The following FAF1 variants were observed in gnomAD, a reference collection of about 807,000 sequenced individuals.
FAF1 encodes FAS-associated factor 1.
Under a neutral mutation model 92.5 loss-of-function variants are expected in FAF1, and 25 were observed. That is an observed-to-expected ratio of 0.27 (90% CI 0.20 to 0.38). FAF1 has a LOEUF of 0.38. Ranked by LOEUF, FAF1 falls within the 10% of genes least tolerant of loss-of-function variation. FAF1 has a pLI of 1.00. For synonymous variants in FAF1, 234 were observed against 273.2 expected (o/e 0.86, Z 1.42); for missense variants, 636 against 793.3 (o/e 0.80, Z 2.38).
intron 2 of FAF1, among the ~76,000 whole-genome samples, chr1:50,826,991 G>A (rs1161850817): frequency 1.1e-4 from 15 of 140,494 alleles, no homozygotes; most frequent in Admixed American, 2.2e-4. Context: ...GCCGCCCATC[G>A]TCTGGGATGT....
At chr1:50,506,986 G>C (rs1050792073) in intron 15 of FAF1, among the ~76,000 whole-genome samples, 6 of 152,196 alleles carry the variant, frequency 3.9e-5, no homozygotes, top group Non-Finnish European at 1.5e-5. Flanking sequence ...TGGAAGAAAT[G>C]ATAATAGGGA....
At chr1:50,811,659 T>C (rs887775755) in intron 2 of FAF1, among the ~76,000 whole-genome samples, 5 of 152,238 alleles carry the variant, frequency 3.3e-5, no homozygotes, top group Non-Finnish European at 5.9e-5. Context: ...GATTCAGTGC[T>C]ATTCGTATCA....
chr1:50,924,277 A>G (rs578085141), intron 1 of FAF1, among the ~76,000 whole-genome samples: 1 of 8,798 alleles, frequency 1.1e-4, no homozygotes, highest in South Asian at 5.7e-3. Flanking sequence ...AAAAAGGAAC[A>G]ATTTGAAAAA....
chr1:50,958,719 A>T (rs1645291093), intron 1 of FAF1, among the ~76,000 whole-genome samples: 1 of 152,006 alleles, frequency 6.6e-6, no homozygotes, highest in Non-Finnish European at 1.5e-5. Context: ...AAAATAAGGA[A>T]CTTAATAGAA....
intron 8 of FAF1, among the ~76,000 whole-genome samples, chr1:50,628,728 G>A (rs188846531): frequency 2.6e-5 from 4 of 152,250 alleles, no homozygotes; most frequent in African/African-American, 7.2e-5. Flanking sequence ...CCTAGTTACC[G>A]TTTTCATCTC....
At chr1:50,950,966 C>G (rs940426518) in intron 1 of FAF1, among the ~76,000 whole-genome samples, 2 of 152,248 alleles carry the variant, frequency 1.3e-5, no homozygotes, top group Non-Finnish European at 2.9e-5. Context: ...CAAAGTGACT[C>G]ATGCCTGAAA....
At chr1:50,894,955 A>G (rs751909392) in intron 1 of FAF1, among the ~76,000 whole-genome samples, 1 of 152,192 alleles carries the variant, frequency 6.6e-6, no homozygotes, top group East Asian at 1.9e-4. Context: ...AAACAACCTA[A>G]AGATACATCT....
At chr1:50,771,406 AACTT>A (rs1043585436) in intron 4 of FAF1, among the ~76,000 whole-genome samples, 28 of 152,220 alleles carry the variant, frequency 1.8e-4, no homozygotes, top group African/African-American at 6.3e-4. Flanking sequence ...ATCTATAAGA[AACTT>A]AAATTAATGA....
At chr1:50,485,229 G>A (rs980057998) in intron 17 of FAF1, among the ~76,000 whole-genome samples, 4 of 151,848 alleles carry the variant, frequency 2.6e-5, no homozygotes, top group Admixed American at 2.0e-4. Context: ...CCAAGTAGCT[G>A]GGATTACAGG....
At chr1:50,957,019 T>C (rs889190879) in intron 1 of FAF1, among the ~76,000 whole-genome samples, 1 of 152,190 alleles carries the variant, frequency 6.6e-6, no homozygotes, top group Non-Finnish European at 1.5e-5. Flanking sequence ...TACTTTTAAG[T>C]CAATCCTATA....
intron 17 of FAF1, among the ~76,000 whole-genome samples, chr1:50,475,904 C>T (rs757571039): frequency 6.6e-6 from 1 of 152,080 alleles, no homozygotes; most frequent in Non-Finnish European, 1.5e-5. Context: ...ACCTTGATGA[C>T]ACATATTATT....
chr1:50,562,375 A>G (rs1156713094), intron 13 of FAF1, among the ~76,000 whole-genome samples: 2 of 152,206 alleles, frequency 1.3e-5, no homozygotes, highest in African/African-American at 4.8e-5. Context: ...TATATTAGCT[A>G]GCCAGCTCCC....
At chr1:50,940,874 C>T (rs1005644237) in intron 1 of FAF1, among the ~76,000 whole-genome samples, 1 of 152,174 alleles carries the variant, frequency 6.6e-6, no homozygotes, top group Admixed American at 6.5e-5. Flanking sequence ...GTTTCTCCAT[C>T]TCTCTATTAG....
chr1:50,908,684 A>G (rs1644859486), intron 1 of FAF1, among the ~76,000 whole-genome samples: 1 of 151,740 alleles, frequency 6.6e-6, no homozygotes, highest in East Asian at 1.9e-4. Context: ...ATCAGAGACT[A>G]GGATTGCAAC....
At chr1:50,574,973 A>G (rs1021869088) in intron 12 of FAF1, among the ~76,000 whole-genome samples, 4 of 123,150 alleles carry the variant, frequency 3.2e-5, no homozygotes, top group Non-Finnish European at 4.7e-5. Flanking sequence ...CAGTGGCATG[A>G]TCTCGGCTCA....
chr1:50,715,308 T>C (rs145654796), intron 6 of FAF1, among the ~76,000 whole-genome samples: 2 of 152,280 alleles, frequency 1.3e-5, no homozygotes, highest in African/African-American at 4.8e-5. Flanking sequence ...AAATTGAAGG[T>C]GGCGGGGTGG....
chr1:50,874,147 C>A lies in FAF1; in HGVS notation c.46-16150G>T, dbSNP rs1247809289. Among the ~76,000 whole-genome samples the A allele has an allele frequency of 3.9e-5, 6 of 152,146 alleles. No individual in the cohort carries two copies. In the East Asian group the frequency reaches 1.2e-3, roughly 29 times the overall value. On this transcript the variant is annotated intron_variant, in intron 1 of 18. Coordinates refer to ENST00000396153, the MANE Select transcript of FAF1 (RefSeq NM_007051.3). The stretch of plus-strand genomic sequence containing the variant: ...GTCTATTTTTGCTTTCTAGCTTGAC[C>A]ATATTTAGTATTTTTGTTGTTAATA...
intron 4 of FAF1, among the ~76,000 whole-genome samples, chr1:50,756,667 G>T (rs978413187): frequency 1.1e-4 from 17 of 152,200 alleles, no homozygotes; most frequent in African/African-American, 3.9e-4. Context: ...TTATACAGAA[G>T]AAAGGGTTTA....
At chr1:50,833,785 A>G (rs1644176605) in intron 2 of FAF1, among the ~76,000 whole-genome samples, 1 of 152,106 alleles carries the variant, frequency 6.6e-6, no homozygotes, top group African/African-American at 2.4e-5. Flanking sequence ...CTGTGCCAAA[A>G]CTCAGGGACA....
Sources: gnomAD v4.1 joint callset for allele counts (sites outside exome capture counted in the v4.1 genomes callset) on GRCh38, gnomAD v4.1.1 for gene constraint, MANE v1.5 for transcripts, NCBI Gene and HGNC (gene_info 2026-07-23, HGNC 2026-07-21) for gene names.